PPP1R26: variants seen among roughly 807,000 people sequenced by gnomAD.
PPP1R26 encodes 1A6/DRIM (down-regulated in metastasis) interacting protein.
PPP1R26 carries 22 observed loss-of-function variants against 67.6 expected under a neutral mutation model. That is an observed-to-expected ratio of 0.33 (90% CI 0.23 to 0.46). The LOEUF (loss-of-function observed/expected upper bound fraction) is 0.46. Ranked by LOEUF, PPP1R26 falls within the 20% of genes least tolerant of loss-of-function variation. The pLI, the probability that PPP1R26 is intolerant of heterozygous loss-of-function variation, is 1.00. For synonymous variants in PPP1R26, 729 were observed against 717.2 expected (o/e 1.02, Z -0.26); for missense variants, 1,602 against 1,651.4 (o/e 0.97, Z 0.52).
At position 135,484,708 on chromosome 9, in the gene PPP1R26, G is replaced by T. The variant is rs1452822724; in HGVS notation, c.198G>T (p.Glu66Asp). The change falls in exon 4 of 4, where the codon GAG (glutamate) becomes GAT (aspartate). Residue 66 changes from glutamate (E) to aspartate (D), a missense_variant. Physicochemically the swap from Glu to Asp is conservative, Grantham distance 45. This residue lies in a region of PPP1R26 where 168 missense variants were observed against 176.1 expected (regional missense o/e 0.95). Coordinates refer to ENST00000356818, the MANE Select transcript of PPP1R26 (RefSeq NM_014811.5). The part of the protein sequence containing the change: ...RDGAARGTSD[E>D]RAAQRGHRAE... ...GGGCTGCTCGGGGCACCAGCGATGA[G>T]CGCGCCGCACAGAGGGGCCACAGGG... 3 of 1,609,796 alleles carry T rather than the reference G, an allele frequency of 1.9e-6. No homozygotes were observed. The Admixed American group carries it at 5.0e-5, about 27-fold the overall frequency.
rs761205488 is a variant in PPP1R26, at chr9:135,485,016, G to A, written c.506G>A (p.Gly169Asp). ...AAQPSRAAGG[G>D]SRCKPEPAHG... The stretch of plus-strand genomic sequence containing the variant: ...CAGCCTTCCAGGGCCGCAGGCGGAG[G>A]CAGTAGATGTAAGCCGGAACCGGCT... The change falls in exon 4 of 4, where the codon GGC becomes GAC. Residue 169 changes from glycine (G) to aspartate (D), a missense_variant. Physicochemically the swap from Gly to Asp is moderately conservative, Grantham distance 94. Transcript: ENST00000356818. This position sits in a 1 kb window ranked among gnomAD's most constrained non-coding sequence, Gnocchi z 7.2. The A allele has an allele frequency of 1.1e-5, 18 of 1,590,198 alleles. No individual in the cohort carries two copies. In the South Asian group the frequency reaches 2.1e-4, roughly 18 times the overall value.
rs1023902176 is a variant in PPP1R26, at chr9:135,479,822, G to GGCGGCA, written c.-523_-518dup. The GGCGGCA allele has an allele frequency of 1.4e-5, 2 of 144,592 alleles. No homozygotes were observed. The highest frequency in any genetic ancestry group is 2.5e-5 in the African/African-American group (1 of 40,444). The allele number at this position is 144,592 out of a possible 1,614,324, so 9.0% of individuals were successfully genotyped here. On this transcript the variant is annotated 5_prime_UTR_variant, in exon 1 of 4. Coordinates refer to ENST00000356818, the MANE Select transcript of PPP1R26 (RefSeq NM_014811.5). This position sits in a 1 kb window ranked among gnomAD's most constrained non-coding sequence, Gnocchi z 5.9. ...CCACGGCGCGGCCCGGGCGCGGGGC[G>GGCGGCA]GCGGCAGCGGCGGCGCGCGGGGAGG...
In PPP1R26 at chr9:135,486,696, C is replaced by T. The variant is rs1486762073; in HGVS notation, c.2186C>T (p.Thr729Met). ...AAGGTCAGGTTCAGCACAGCCCAGA[C>T]GCACTTCTTGGAGCAGCTGGGCGGG... is the stretch of plus-strand genomic sequence containing the variant. ...RKKVRFSTAQ[T>M]HFLEQLGGLR... Residue 729 changes from threonine (T) to methionine (M), a missense_variant, in exon 4 of 4, where the codon ACG becomes ATG. Thr to Met is a moderately conservative substitution (Grantham distance 81, BLOSUM62 -1). Around this residue, in one of 5 missense-constraint regions of PPP1R26, gnomAD observed 740 missense variants for 696.3 expected, o/e 1.06. Transcript: ENST00000356818. The surrounding 1 kb of genome is among the most constrained non-coding windows in gnomAD (Gnocchi z 6.2). The T allele has an allele frequency of 2.5e-6, 4 of 1,597,002 alleles. No homozygotes were observed. The highest frequency in any genetic ancestry group is 3.4e-6 in the Non-Finnish European group (4 of 1,172,444).
chr9:135,479,664 T>C (rs1830438273), upstream of PPP1R26: 1 of 142,950 alleles, frequency 7.0e-6, no homozygotes, highest in African/African-American at 2.5e-5. This position sits in a 1 kb window ranked among gnomAD's most constrained non-coding sequence, Gnocchi z 5.9. Context: ...GGCCGTGCCA[T>C]TCCCATGATG....
rs1830671649 is a variant in PPP1R26 at position 135,485,263 on chromosome 9, G to A, written c.753G>A (p.Lys251=). ...ETQKCDGSVE[K]KPDTNENSAK... The stretch of plus-strand genomic sequence containing the variant: ...AAAAATGTGATGGGTCAGTGGAGAA[G>A]AAACCAGACACAAATGAAAATTCCG... The change falls in exon 4 of 4, where the codon AAG becomes AAA. Residue 251 remains lysine, a synonymous_variant. Coordinates refer to ENST00000356818, the MANE Select transcript of PPP1R26 (RefSeq NM_014811.5). This position sits in a 1 kb window ranked among gnomAD's most constrained non-coding sequence, Gnocchi z 7.2. The A allele has an allele frequency of 1.2e-6, 2 of 1,612,980 alleles. No individual in the cohort carries two copies. Among genetic ancestry groups the A allele is most frequent in the Non-Finnish European group, 1.7e-6 (2 of 1,179,962 alleles).
At chr9:135,481,506 G>A (rs1184059769) in intron 1 of PPP1R26, among the ~76,000 whole-genome samples, 1 of 151,858 alleles carries the variant, frequency 6.6e-6, no homozygotes, top group Non-Finnish European at 1.5e-5. Context: ...CTCCCAGAGT[G>A]CTGGGATTAC....
chr9:135,487,966 G>T lies in PPP1R26; in HGVS notation c.3456G>T (p.Gly1152=). 1.9e-6 allele frequency: 3 copies of T among 1,605,152 alleles called. No homozygotes were observed. Among genetic ancestry groups the T allele is most frequent in the Non-Finnish European group, 2.5e-6 (3 of 1,176,778 alleles). ...GGCCAACCAGGAAGGCACAGGCAGGGCTGAGTTTGCATGACAGGAGGAGCT... is the reference window on the plus strand; with the variant it reads ...GGCCAACCAGGAAGGCACAGGCAGGTCTGAGTTTGCATGACAGGAGGAGCT... The part of the protein sequence containing the change: ...GPWPTRKAQA[G]LSLHDRRSSG... Residue 1152 remains glycine (G), a synonymous_variant, in exon 4 of 4, where the codon GGG becomes GGT. Coordinates refer to ENST00000356818, the MANE Select transcript of PPP1R26 (RefSeq NM_014811.5).
Position 135,484,900 on chromosome 9 carries a change from C to T in PPP1R26, c.390C>T (p.Asp130=), listed in dbSNP as rs1269416651. 1.3e-6 allele frequency: 2 copies of T among 1,596,004 alleles called. No individual in the cohort carries two copies. Among genetic ancestry groups the T allele is most frequent in the East Asian group, 2.2e-5 (1 of 44,568 alleles). The change falls in exon 4 of 4, where the codon GAC becomes GAT. Residue 130 remains aspartate (D), a synonymous_variant. Transcript: ENST00000356818. ...VLDSDSDDSV[D]RDIEEAIQEY... ...ATTCAGACAGTGATGATTCCGTGGA[C>T]AGGGACATTGAGGAGGCCATCCAGG... is the stretch of plus-strand genomic sequence containing the variant.
rs757915027 is a variant in PPP1R26 at position 135,486,820 on chromosome 9, C to A, written c.2310C>A (p.Pro770=). 3.3e-5 allele frequency: 53 copies of A among 1,609,000 alleles called. 1 individual carries two copies. The highest frequency in any genetic ancestry group is 4.5e-5 in the East Asian group (2 of 44,766). The change falls in exon 4 of 4, where the codon CCC becomes CCA. Residue 770 remains proline, a synonymous_variant. Transcript: ENST00000356818. The surrounding 1 kb of genome is among the most constrained non-coding windows in gnomAD (Gnocchi z 6.2). ...DSGEGPGKKP[P]SVFGSTAERM... is the part of the protein sequence containing the mutation. ...GCGAGGGTCCTGGGAAGAAACCCCCCAGTGTCTTTGGCAGCACGGCAGAGA... is the reference window on the plus strand; with the variant it reads ...GCGAGGGTCCTGGGAAGAAACCCCCAAGTGTCTTTGGCAGCACGGCAGAGA...
Position 135,488,047 on chromosome 9 carries a change from T to A in PPP1R26, c.3537T>A (p.Asp1179Glu). 6.2e-7 allele frequency: 1 copy of A among 1,606,020 alleles called. No homozygotes were observed. The highest frequency in any genetic ancestry group is 8.5e-7 in the Non-Finnish European group (1 of 1,176,964). ...GGTATCGACGAAGGGTCAACAGGGATGACCAGGAGCAGGACGCCTTGGGCA... is the reference window on the plus strand; with the variant it reads ...GGTATCGACGAAGGGTCAACAGGGAAGACCAGGAGCAGGACGCCTTGGGCA... ...DLRYRRRVNR[D>E]DQEQDALGSD... is the part of the protein sequence containing the mutation. Residue 1179 changes from aspartate to glutamate, a missense_variant, in exon 4 of 4, where the codon GAT becomes GAA. By Grantham distance (45) the Asp-to-Glu change is conservative (BLOSUM62 2). Around this residue, in one of 5 missense-constraint regions of PPP1R26, gnomAD observed 740 missense variants for 696.3 expected, o/e 1.06. Transcript: ENST00000356818.
rs2119275592 is a variant in PPP1R26 at position 135,484,772 on chromosome 9, A to C, written c.262A>C (p.Thr88Pro). Residue 88 changes from threonine to proline, a missense_variant, in exon 4 of 4, where the codon ACC becomes CCC. Physicochemically the swap from Thr to Pro is conservative, Grantham distance 38. This residue lies in a region of PPP1R26 where 168 missense variants were observed against 176.1 expected (regional missense o/e 0.95). Transcript: ENST00000356818. ...CHDARPAAKPTVHKEPPALAV... is the reference protein window; with the variant it reads ...CHDARPAAKPPVHKEPPALAV... ...CGACGCCAGGCCGGCTGCCAAGCCC[A>C]CCGTGCACAAGGAGCCACCCGCGTT... The C allele has an allele frequency of 6.2e-7, 1 of 1,611,162 alleles. No homozygotes were observed. Among genetic ancestry groups the C allele is most frequent in the African/African-American group, 1.3e-5 (1 of 75,018 alleles).
rs769152695 is a variant in PPP1R26 at position 135,486,088 on chromosome 9, C to T, written c.1578C>T (p.Ser526=). The part of the protein sequence containing the change: ...NVPSRSDGDS[S]SVDSDDSIEQ... ...CTTCCCGCTCTGACGGCGACAGTAG[C>T]TCCGTGGACAGCGATGACAGCATCG... Residue 526 remains serine (S), a synonymous_variant, in exon 4 of 4, where the codon AGC becomes AGT. Transcript: ENST00000356818. The surrounding 1 kb of genome is among the most constrained non-coding windows in gnomAD (Gnocchi z 6.2). The T allele has an allele frequency of 6.0e-5, 97 of 1,612,914 alleles. No homozygotes were observed. The highest frequency in any genetic ancestry group is 7.6e-5 in the Non-Finnish European group (90 of 1,180,054).
rs149069756 is a variant in PPP1R26 at position 135,486,373 on chromosome 9, C to T, written c.1863C>T (p.Ala621=). Residue 621 remains alanine, a synonymous_variant, in exon 4 of 4, where the codon GCC becomes GCT. Coordinates refer to ENST00000356818, the MANE Select transcript of PPP1R26 (RefSeq NM_014811.5). The surrounding 1 kb of genome is among the most constrained non-coding windows in gnomAD (Gnocchi z 6.2). The stretch of plus-strand genomic sequence containing the variant: ...TGGTGAAAGACGGTAGCCAGGATGC[C>T]GACCACAGCCAGGGGAGAGCTGAGC... The part of the protein sequence containing the change: ...QEVVKDGSQD[A]DHSQGRAEPG... The T allele has an allele frequency of 2.1e-5, 34 of 1,613,074 alleles. No individual in the cohort carries two copies. Among genetic ancestry groups the T allele is most frequent in the African/African-American group, 1.2e-4 (9 of 74,924 alleles).
intron 3 of PPP1R26, 95 bp from the exon 4 acceptor site, chr9:135,484,354 G>A: frequency 1.4e-6 from 1 of 717,922 alleles, no homozygotes; most frequent in Non-Finnish European, 2.3e-6. Flanking sequence ...TCCACTCTGT[G>A]AGCCCGACAT....
In PPP1R26 at chr9:135,484,066, G is replaced by A. The variant is rs756840672; in HGVS notation, c.-79G>A. 2.9e-4 allele frequency: 120 copies of A among 407,246 alleles called. No homozygotes were observed. The highest frequency in any genetic ancestry group is 4.7e-4 in the Non-Finnish European group (109 of 231,018). The allele number at this position is 407,246 out of a possible 1,614,324, so 25.2% of individuals were successfully genotyped here. ...TTGCAGACGTTGTCTCATGGGTACC[G>A]CTTGCCAACTTTGGAGGTAAATAAA... is the stretch of plus-strand genomic sequence containing the variant. On this transcript the variant is annotated 5_prime_UTR_variant, in exon 3 of 4. Coordinates refer to ENST00000356818, the MANE Select transcript of PPP1R26 (RefSeq NM_014811.5).
In PPP1R26 at chr9:135,485,268, C is replaced by T; in HGVS notation, c.758C>T (p.Pro253Leu). Residue 253 changes from proline to leucine, a missense_variant, in exon 4 of 4, where the codon CCA becomes CTA. Pro to Leu is a moderately conservative substitution (Grantham distance 98, BLOSUM62 -3). This residue lies in a region of PPP1R26 where 680 missense variants were observed against 726.1 expected (regional missense o/e 0.94). Transcript: ENST00000356818. This position sits in a 1 kb window ranked among gnomAD's most constrained non-coding sequence, Gnocchi z 7.2. Reference protein sequence around the residue: ...QKCDGSVEKKPDTNENSAKSL... With the variant: ...QKCDGSVEKKLDTNENSAKSL... ...TGTGATGGGTCAGTGGAGAAGAAAC[C>T]AGACACAAATGAAAATTCCGCCAAG... 3 of 1,612,916 alleles carry T rather than the reference C, an allele frequency of 1.9e-6. No homozygotes were observed. The highest frequency in any genetic ancestry group is 2.5e-6 in the Non-Finnish European group (3 of 1,179,938).
In PPP1R26 at chr9:135,482,795, C is replaced by G. The variant is rs1280620591; in HGVS notation, c.-216C>G. On this transcript the variant is annotated 5_prime_UTR_variant, in exon 2 of 4. Coordinates refer to ENST00000356818, the MANE Select transcript of PPP1R26 (RefSeq NM_014811.5). ...CTGGCTGCCATTTCATCACAGTCAACCTGGACTCACAGAATTTCAAGTAAT... is the reference window on the plus strand; with the variant it reads ...CTGGCTGCCATTTCATCACAGTCAAGCTGGACTCACAGAATTTCAAGTAAT... The G allele has an allele frequency of 2.5e-6, 1 of 398,322 alleles. No individual in the cohort carries two copies. The highest frequency in any genetic ancestry group is 2.1e-5 in the African/African-American group (1 of 48,558). The allele number at this position is 398,322 out of a possible 1,614,324, so 24.7% of individuals were successfully genotyped here.
In PPP1R26 at chr9:135,484,490, C is replaced by CGCCCCTCCCCGT; in HGVS notation, c.-20_-9dup. 2 of 1,538,506 alleles carry CGCCCCTCCCCGT rather than the reference C, an allele frequency of 1.3e-6. No homozygotes were observed. Among genetic ancestry groups the CGCCCCTCCCCGT allele is most frequent in the Non-Finnish European group, 1.8e-6 (2 of 1,138,142 alleles). On this transcript the variant is annotated 5_prime_UTR_variant, in exon 4 of 4. Transcript: ENST00000356818. ...AGAAATAAAGCATCGCCCCTCTGCG[C>CGCCCCTCCCCGT]GCCCCTCCCCGTCTGCTAGAATGTT...
chr9:135,487,090 A>G lies in PPP1R26; in HGVS notation c.2580A>G (p.Ala860=). 1 of 1,611,546 alleles carries G rather than the reference A, an allele frequency of 6.2e-7. No homozygotes were observed. The highest frequency in any genetic ancestry group is 8.5e-7 in the Non-Finnish European group (1 of 1,179,976). ...CAGTGAGCAGTTCAGAAGTTCAGGC[A>G]GAGGGCCCCACCGCTCTTGGGACAG... is the stretch of plus-strand genomic sequence containing the variant. ...KESVSSSEVQ[A]EGPTALGTGG... is the part of the protein sequence containing the mutation. The change falls in exon 4 of 4, where the codon GCA becomes GCG. Residue 860 remains alanine (A), a synonymous_variant. Transcript: ENST00000356818.
Sources: allele counts gnomAD v4.1 joint callset (sites outside exome capture counted in the v4.1 genomes callset), GRCh38; gene constraint gnomAD v4.1.1; regional missense constraint gnomAD v4.1.1; non-coding constraint Gnocchi (gnomAD v3.1); transcripts MANE v1.5; gene names NCBI Gene and HGNC (gene_info 2026-07-23, HGNC 2026-07-21).